Variants in ZNF276 observed in about 807,000 individuals in gnomAD.
ZNF276 encodes the protein zinc finger protein 276.
Under a neutral mutation model 63.9 loss-of-function variants are expected in ZNF276, and 59 were observed. The ratio of observed to expected loss-of-function variants is 0.92; its 90% CI spans 0.75 to 1.15. The LOEUF is 1.15. ZNF276 is among the 50% of genes most tolerant of loss of function. The pLI, the probability that ZNF276 is intolerant of heterozygous loss-of-function variation, is 0.00. For missense variants in ZNF276, 1,084 were observed against 843.8 expected (o/e 1.28, Z -3.53); for synonymous variants, 496 against 348.4 (o/e 1.42, Z -4.72).
chr16:89,729,419 C>G (rs796859354), intron 6 of ZNF276, 101 bp downstream of exon 6: 3 of 1,059,886 alleles, frequency 2.8e-6, no homozygotes, highest in African/African-American at 3.1e-5. Context: ...AGTTCACTCT[C>G]TCGTGTGCGG....
chr16:89,739,114 GAC>G lies in ZNF276; in HGVS notation c.*869_*870del. The stretch of plus-strand genomic sequence containing the variant: ...CTGGGGGGAGCTCCCCTGGAGGTGG[GAC>G]TGGCCCTTGCACCTGCCTGACCCTT... On this transcript the variant is annotated 3_prime_UTR_variant, in exon 11 of 11. Transcript: ENST00000443381. The G allele has an allele frequency of 6.2e-7, 1 of 1,614,060 alleles. No homozygotes were observed. Among genetic ancestry groups the G allele is most frequent in the Non-Finnish European group, 8.5e-7 (1 of 1,179,988 alleles).
At chr16:89,721,022 G>A (rs1237963584), upstream of ZNF276, 10 of 653,224 alleles carry the variant, frequency 1.5e-5, no homozygotes, top group Non-Finnish European at 2.1e-5. Flanking sequence ...GCGTACTGCG[G>A]GCCCCACGGG....
chr16:89,721,293 G>A (rs2061261305), upstream of ZNF276: 2 of 248,584 alleles, frequency 8.0e-6, no homozygotes, highest in South Asian at 1.6e-4. Flanking sequence ...GGCGGTGAGG[G>A]CCGCGTCGCC....
chr16:89,738,720 G>T lies in ZNF276; in HGVS notation c.*474G>T, dbSNP rs751989527. On this transcript the variant is annotated 3_prime_UTR_variant, in exon 11 of 11. Transcript: ENST00000443381. The stretch of plus-strand genomic sequence containing the variant: ...CGATCAGCCAGCAGCTGTGAGAGAG[G>T]AGCAGGTCCTCAGCCCATGCCGCCC... 1.9e-6 allele frequency: 3 copies of T among 1,613,686 alleles called. No homozygotes were observed. Among genetic ancestry groups the T allele is most frequent in the Non-Finnish European group, 2.5e-6 (3 of 1,179,870 alleles).
intron 4 of ZNF276, among the ~76,000 whole-genome samples, chr16:89,726,728 G>C (rs1232682054): frequency 1.3e-5 from 2 of 150,972 alleles, no homozygotes; most frequent in African/African-American, 4.9e-5. Context: ...TCACTGCAAT[G>C]TCTGCCTCCC....
intron 10 of ZNF276, 24 bp downstream of exon 10, chr16:89,737,929 C>A (rs17233819): frequency 2.7e-6 from 4 of 1,467,154 alleles, no homozygotes; most frequent in Middle Eastern, 1.8e-4. Context: ...AGGACCCCCT[C>A]CCAGGGCTGT....
chr16:89,731,523 G>A (rs2061650838), intron 6 of ZNF276: 1 of 152,304 alleles, frequency 6.6e-6, no homozygotes, highest in Non-Finnish European at 1.5e-5. Flanking sequence ...AAAGTGCTGG[G>A]ATTACAGGCG....
At position 89,739,706 on chromosome 16, in the gene ZNF276, C is replaced by G; in HGVS notation, c.*1460C>G. On this transcript the variant is annotated 3_prime_UTR_variant, in exon 11 of 11. Transcript: ENST00000443381. ...GCCTGAGCTGAGGATACCCAGGTAC[C>G]TGTCAGCAGCTGGGAGAGGATGGGG... 2 of 1,502,788 alleles carry G rather than the reference C, an allele frequency of 1.3e-6. No individual in the cohort carries two copies. Among genetic ancestry groups the G allele is most frequent in the Non-Finnish European group, 1.8e-6 (2 of 1,120,238 alleles). The allele number at this position is 1,502,788 out of a possible 1,614,324, so 93.1% of individuals were successfully genotyped here.
Position 89,738,286 on chromosome 16 carries a change from C to A in ZNF276, c.*40C>A. ...ATGAGCACCTCTAGCAGCCTGGACT[C>A]CGCAGTGGCTGTGTCAGCCTCACCC... On this transcript the variant is annotated 3_prime_UTR_variant, in exon 11 of 11. Coordinates refer to ENST00000443381, the MANE Select transcript of ZNF276 (RefSeq NM_001113525.2). 6.4e-7 allele frequency: 1 copy of A among 1,551,454 alleles called. No homozygotes were observed. Among genetic ancestry groups the A allele is most frequent in the Non-Finnish European group, 8.7e-7 (1 of 1,149,576 alleles).
In ZNF276 at chr16:89,723,198, G is replaced by T. The variant is rs1330438974; in HGVS notation, c.556+15G>T. ...AGCGTGTCTGGGTGAGTCCTCCCCCGGTGGAGGGTGGGCTGGGTGCCGACC... is the reference window on the plus strand; with the variant it reads ...AGCGTGTCTGGGTGAGTCCTCCCCCTGTGGAGGGTGGGCTGGGTGCCGACC... On this transcript the variant is annotated intron_variant, in intron 3 of 10. Transcript: ENST00000443381. 6 of 1,613,198 alleles carry T rather than the reference G, an allele frequency of 3.7e-6. No homozygotes were observed. Among genetic ancestry groups the T allele is most frequent in the Non-Finnish European group, 5.1e-6 (6 of 1,180,016 alleles).
chr16:89,729,315 G>T lies in ZNF276; in HGVS notation c.1166G>T (p.Arg389Met), dbSNP rs775777001. The change falls in exon 6 of 11, where the codon AGG (arginine) becomes ATG (methionine). Residue 389 changes from arginine (R) to methionine (M), a missense_variant. Coordinates refer to ENST00000443381, the MANE Select transcript of ZNF276 (RefSeq NM_001113525.2). ...GAGTCCTTTGAGCCTTACCCAGAAA[G>T]GAAGTAAGTGGGCAGCCCGGGGTCT... ...SDESFEPYPE[R>M]KVSGKKSESK... 5.6e-6 allele frequency: 9 copies of T among 1,614,098 alleles called. No individual in the cohort carries two copies. In the Middle Eastern group the frequency reaches 5.0e-4, roughly 89 times the overall value.
rs371079681 is a variant in ZNF276 at position 89,740,318 on chromosome 16, C to T, written c.*2072C>T. 3.1e-5 allele frequency: 18 copies of T among 579,106 alleles called. No homozygotes were observed. The highest frequency in any genetic ancestry group is 2.0e-4 in the East Asian group (7 of 34,262). The allele number at this position is 579,106 out of a possible 1,614,324, so 35.9% of individuals were successfully genotyped here. A position where few individuals can be genotyped will look rare whatever the true frequency, so the allele number is the denominator to read the frequency against. ...TCGAGCACCCACACCAAGGCTGCTGCACCACGTCCTCAAATAAGACATTAA... is the reference window on the plus strand; with the variant it reads ...TCGAGCACCCACACCAAGGCTGCTGTACCACGTCCTCAAATAAGACATTAA... On this transcript the variant is annotated 3_prime_UTR_variant, in exon 11 of 11. Coordinates refer to ENST00000443381, the MANE Select transcript of ZNF276 (RefSeq NM_001113525.2).
At chr16:89,721,175 C>CG (rs2061257135), upstream of ZNF276, 1 of 242,636 alleles carries the variant, frequency 4.1e-6, no homozygotes, top group Non-Finnish European at 7.9e-6. Context: ...CCCCTCTCTA[C>CG]GTGAGACCCC....
In ZNF276 at chr16:89,738,684, C is replaced by T. The variant is rs748856769; in HGVS notation, c.*438C>T. 1.4e-5 allele frequency: 22 copies of T among 1,613,796 alleles called. No homozygotes were observed. The highest frequency in any genetic ancestry group is 1.7e-5 in the Non-Finnish European group (20 of 1,180,014). Reference sequence around the variant, plus strand: ...TGGAGGGCGGCGCTCACCTCTGGGTCGCAGTCCCCACGATCAGCCAGCAGC... The same window carrying T: ...TGGAGGGCGGCGCTCACCTCTGGGTTGCAGTCCCCACGATCAGCCAGCAGC... On this transcript the variant is annotated 3_prime_UTR_variant, in exon 11 of 11. Coordinates refer to ENST00000443381, the MANE Select transcript of ZNF276 (RefSeq NM_001113525.2).
At chr16:89,734,848 C>T (rs376987196) in intron 9 of ZNF276, among the ~76,000 whole-genome samples, 1 of 152,130 alleles carries the variant, frequency 6.6e-6, no homozygotes. Flanking sequence ...TATAATCCAA[C>T]AAGGATATGT....
intron 6 of ZNF276, 151 bp downstream of exon 6, chr16:89,729,469 C>A: frequency 1.5e-6 from 1 of 658,320 alleles, no homozygotes; most frequent in Non-Finnish European, 2.6e-6. Context: ...CCTCAGTGAG[C>A]GGGAGGCGGG....
intron 3 of ZNF276, 24 bp downstream of exon 3, chr16:89,723,207 T>C: frequency 6.2e-7 from 1 of 1,612,844 alleles, no homozygotes; most frequent in Non-Finnish European, 8.5e-7. Context: ...CGGTGGAGGG[T>C]GGGCTGGGTG....
Position 89,723,530 on chromosome 16 carries a change from G to A in ZNF276, c.827G>A (p.Gly276Glu), listed in dbSNP as rs767055902. Residue 276 changes from glycine (G) to glutamate (E), a missense_variant, in exon 4 of 11, where the codon GGG becomes GAG. Gly to Glu is a moderately conservative substitution (Grantham distance 98, BLOSUM62 -2). Coordinates refer to ENST00000443381, the MANE Select transcript of ZNF276 (RefSeq NM_001113525.2). ...GCGCCACGGCTGCCCCAGCACCGAG[G>A]GTGGAACCCTGGGGATGCCCCTCAG... is the stretch of plus-strand genomic sequence containing the variant. ...ETAPRLPQHR[G>E]WNPGDAPQTS... 3 of 1,612,720 alleles carry A rather than the reference G, an allele frequency of 1.9e-6. No individual in the cohort carries two copies. The highest frequency in any genetic ancestry group is 2.5e-6 in the Non-Finnish European group (3 of 1,179,992).
intron 9 of ZNF276, 122 bp downstream of exon 9, chr16:89,734,160 G>T (rs28419274): frequency 0.021 from 17,215 of 838,002 alleles, 679 homozygotes; most frequent in African/African-American, 0.11. Flanking sequence ...GGCTCATGGG[G>T]TCTTTGGTAC....
Sources: gnomAD v4.1 joint callset for allele counts (sites outside exome capture counted in the v4.1 genomes callset) on GRCh38, gnomAD v4.1.1 for gene constraint, MANE v1.5 for transcripts, NCBI Gene and HGNC (gene_info 2026-07-23, HGNC 2026-07-21) for gene names.